Variants in PPCS observed in about 807,000 individuals in gnomAD.
PPCS encodes phosphopantothenoylcysteine synthetase.
Under a neutral mutation model 24.6 loss-of-function variants are expected in PPCS, and 17 were observed. That is an observed-to-expected ratio of 0.69 (90% CI 0.47 to 1.04). The LOEUF (loss-of-function observed/expected upper bound fraction) is 1.04, where lower values mean the gene tolerates loss of function less well. Among genes scored for constraint, PPCS ranks in the 50% least tolerant of loss-of-function variants. The probability of loss-of-function intolerance (pLI) is 0.00; values close to 1 mark genes in which losing one functional copy is unlikely to be tolerated. For synonymous variants in PPCS, 190 were observed against 168.3 expected (o/e 1.13, Z -1.00); for missense variants, 360 against 402.8 (o/e 0.89, Z 0.91).
At chr1:42,463,988 C>G (rs1382685090), downstream of PPCS, 2 of 152,274 alleles carry the variant, frequency 1.3e-5, no homozygotes, top group Non-Finnish European at 2.9e-5. Flanking sequence ...TATTTCACAG[C>G]CATTTTAACT....
At chr1:42,459,160 T>G (rs1643330210) in intron 2 of PPCS, 2 of 146,866 alleles carry the variant, frequency 1.4e-5, no homozygotes, top group African/African-American at 5.1e-5. Flanking sequence ...CAAGGCTTTT[T>G]TTTTTTTTTT....
At chr1:42,473,102 T>C (rs561978398) in intron 2 of PPCS, 6 of 1,225,992 alleles carry the variant, frequency 4.9e-6, no homozygotes, top group South Asian at 8.5e-5. Flanking sequence ...CATATACATA[T>C]GCTTATTTCT....
Position 42,456,698 on chromosome 1 carries a change from ACCAAGGT to A in PPCS, c.136_142del (p.Lys46HisfsTer27). On this transcript the variant is annotated frameshift_variant, in exon 1 of 3. Coordinates refer to ENST00000372561, the MANE Select transcript of PPCS (RefSeq NM_024664.4). LOFTEE classifies it high-confidence loss of function. ...GGTGGTGTTGGTTACGTCAGGCGGC[ACCAAGGT>A]CCCACTGGAAGCGCGGCCGGTGCGC... The A allele has an allele frequency of 6.2e-7, 1 of 1,607,666 alleles. No homozygotes were observed. Among genetic ancestry groups the A allele is most frequent in the Non-Finnish European group, 8.5e-7 (1 of 1,179,076 alleles).
In PPCS at chr1:42,469,166, C is replaced by T. The variant is rs189078541; in HGVS notation, n.378-3956C>T. Among the ~76,000 whole-genome samples the T allele has an allele frequency of 9.4e-4, 143 of 152,198 alleles. 3 individuals carry two copies. The highest frequency in any genetic ancestry group is 3.4e-3 in the African/African-American group (140 of 41,528). ...GGCTGAAATGGGAGGATCACTTGAG[C>T]CCCGGTGTTCAATTCCAGCCTGGGC... is the stretch of plus-strand genomic sequence containing the variant. On this transcript the variant is annotated intron_variant and non_coding_transcript_variant, in intron 2 of 2. Coordinates refer to the PPCS transcript ENST00000471420.
chr1:42,468,919 A>G (rs1174792208), intron 2 of PPCS, among the ~76,000 whole-genome samples: 1 of 152,140 alleles, frequency 6.6e-6, no homozygotes, highest in Non-Finnish European at 1.5e-5. Context: ...AAATGGCAGC[A>G]TTTGAAGGGA....
chr1:42,466,645 G>A (rs1056986157), intron 2 of PPCS, among the ~76,000 whole-genome samples: 4 of 151,106 alleles, frequency 2.6e-5, no homozygotes, highest in African/African-American at 4.9e-5. Flanking sequence ...TCTGCCTCCC[G>A]GGTTCCAGCG....
At chr1:42,457,452 G>A in intron 2 of PPCS, 102 bp downstream of exon 2, 1 of 995,920 alleles carries the variant, frequency 1.0e-6, no homozygotes. Flanking sequence ...TATTCGCTAG[G>A]CACAGGGGAT....
In PPCS at chr1:42,456,754, G is replaced by A; in HGVS notation, c.189G>A (p.Gly63=). ...PVRFLDNFSS[G]RRGATSAEAF... ...GCTTCCTGGACAACTTCAGCAGCGG[G>A]CGGCGCGGTGCAACCTCGGCCGAGG... is the stretch of plus-strand genomic sequence containing the variant. The change falls in exon 1 of 3, where the codon GGG becomes GGA. Residue 63 remains glycine (G), a synonymous_variant. Transcript: ENST00000372561. 6.2e-7 allele frequency: 1 copy of A among 1,611,770 alleles called. No homozygotes were observed. The highest frequency in any genetic ancestry group is 8.5e-7 in the Non-Finnish European group (1 of 1,179,698).
rs940807397 is a variant in PPCS, at chr1:42,456,584, G to T, written c.19G>T (p.Val7Leu). 2 of 1,494,448 alleles carry T rather than the reference G, an allele frequency of 1.3e-6. No homozygotes were observed. The highest frequency in any genetic ancestry group is 2.5e-5 in the Admixed American group (1 of 39,728). The allele number at this position is 1,494,448 out of a possible 1,614,324, so 92.6% of individuals were successfully genotyped here. A position where few individuals can be genotyped will look rare whatever the true frequency, so the allele number is the denominator to read the frequency against. ...GCTGCAGATGGCGGAAATGGATCCG[G>T]TAGCCGAGTTCCCCCAGCCTCCCGG... MAEMDP[V>L]AEFPQPPGAA... The change falls in exon 1 of 3, where the codon GTA becomes TTA. Residue 7 changes from valine to leucine, a missense_variant. Transcript: ENST00000372561.
rs1431020174 is a variant in PPCS, at chr1:42,460,650, C to T, written c.*724C>T. On this transcript the variant is annotated 3_prime_UTR_variant, in exon 3 of 3. Coordinates refer to ENST00000372561, the MANE Select transcript of PPCS (RefSeq NM_024664.4). ...GCAGGGGCCACTTGGTGATCTCTGT[C>T]CTGAGGGATGCATTACAGTGTGGTA... Among the ~76,000 whole-genome samples, 1 of 152,172 alleles carries T rather than the reference C, an allele frequency of 6.6e-6. No homozygotes were observed. The highest frequency in any genetic ancestry group is 2.4e-5 in the African/African-American group (1 of 41,436).
chr1:42,459,103 T>C (rs187804897), intron 2 of PPCS: 1 of 151,690 alleles, frequency 6.6e-6, no homozygotes, highest in Non-Finnish European at 1.5e-5. Flanking sequence ...TGCCCCAGAA[T>C]ATGTATGGAG....
upstream of PPCS, chr1:42,456,343 A>C: frequency 1.6e-6 from 1 of 613,184 alleles, no homozygotes. Flanking sequence ...ACCCTACCAG[A>C]TGCCCACCCA....
At chr1:42,469,477 G>A (rs1157944238) in intron 2 of PPCS, among the ~76,000 whole-genome samples, 5 of 152,152 alleles carry the variant, frequency 3.3e-5, no homozygotes. Context: ...GTCCAAAACA[G>A]GACAGTAGCT....
rs114655484 is a variant in PPCS, at chr1:42,467,213, G to A, written n.378-5909G>A. 7.0e-3 allele frequency among the ~76,000 whole-genome samples: 1,072 copies of A among 152,340 alleles called. 16 individuals carry two copies. The highest frequency in any genetic ancestry group is 0.024 in the African/African-American group (1,010 of 41,586). On this transcript the variant is annotated intron_variant and non_coding_transcript_variant, in intron 2 of 2. Transcript: ENST00000471420. Reference sequence around the variant, plus strand: ...AAGCTAAAGGGTTTGAACTCTACATGAAAGCAACAAGAAGGTTAAGCAGCA... The same window carrying A: ...AAGCTAAAGGGTTTGAACTCTACATAAAAGCAACAAGAAGGTTAAGCAGCA...
At chr1:42,470,091 A>G (rs369403914) in intron 2 of PPCS, among the ~76,000 whole-genome samples, 34 of 152,280 alleles carry the variant, frequency 2.2e-4, no homozygotes, top group African/African-American at 8.2e-4. Context: ...GGTGGGACAA[A>G]GGGGTAAGAT....
chr1:42,465,566 G>A (rs1419307650), downstream of PPCS, among the ~76,000 whole-genome samples: 3 of 152,028 alleles, frequency 2.0e-5, no homozygotes, highest in African/African-American at 7.3e-5. Context: ...GTTTCTCCAC[G>A]TTGGTCAGGC....
Position 42,460,415 on chromosome 1 carries a change from A to G in PPCS, c.*489A>G. The G allele has an allele frequency of 1.0e-6, 1 of 984,810 alleles. No homozygotes were observed. Among genetic ancestry groups the G allele is most frequent in the African/African-American group, 1.7e-5 (1 of 57,318 alleles). The allele number at this position is 984,810 out of a possible 1,614,324, so 61.0% of individuals were successfully genotyped here. ...TCCAAAAGCTGACACAATGGAAAGG[A>G]TGTTTTGTTTTGTTTGAAATTTATC... On this transcript the variant is annotated 3_prime_UTR_variant, in exon 3 of 3. Coordinates refer to ENST00000372561, the MANE Select transcript of PPCS (RefSeq NM_024664.4).
intron 2 of PPCS, among the ~76,000 whole-genome samples, chr1:42,466,557 GT>G (rs59732163): frequency 0.4 from 57,681 of 145,122 alleles, 11,592 homozygotes; most frequent in East Asian, 0.59. Flanking sequence ...GTTTTGTTTT[GT>G]TTTTTTTTTT....
At chr1:42,462,784 C>G (rs1011336279), downstream of PPCS, among the ~76,000 whole-genome samples, 1 of 152,186 alleles carries the variant, frequency 6.6e-6, no homozygotes, top group Non-Finnish European at 1.5e-5. Context: ...TAAAGGGCTT[C>G]AGCCTTAGGG....
Sources: gnomAD v4.1 joint callset for allele counts (sites outside exome capture counted in the v4.1 genomes callset) on GRCh38, gnomAD v4.1.1 for gene constraint, MANE v1.5 for transcripts, NCBI Gene and HGNC (gene_info 2026-07-23, HGNC 2026-07-21) for gene names.